Variants in KAT2B observed in about 807,000 individuals in gnomAD.
KAT2B encodes lysine acetyltransferase 2B.
Under a neutral mutation model 105.9 loss-of-function variants are expected in KAT2B, and 36 were observed. The ratio of observed to expected loss-of-function variants is 0.34; its 90% CI spans 0.26 to 0.45. The LOEUF (loss-of-function observed/expected upper bound fraction) is 0.45. KAT2B is among the 20% of genes least tolerant of loss of function. The probability of loss-of-function intolerance (pLI) is 1.00; values close to 1 mark genes in which losing one functional copy is unlikely to be tolerated. For synonymous variants in KAT2B, 397 were observed against 377.9 expected (o/e 1.05, Z -0.59); for missense variants, 820 against 1,021.6 (o/e 0.80, Z 2.69).
chr3:20,058,519 T>C lies in KAT2B; in HGVS notation c.304-13814T>C, dbSNP rs556986174. Among the ~76,000 whole-genome samples the C allele has an allele frequency of 1.5e-4, 23 of 151,402 alleles. No homozygotes were observed. In the South Asian group the frequency reaches 4.8e-3, roughly 32 times the overall value. Reference sequence around the variant, plus strand: ...TGATAGTGAATTACCTCACTAGTTATCTTTTCTCTCTTACAATTCTATTTC... The same window carrying C: ...TGATAGTGAATTACCTCACTAGTTACCTTTTCTCTCTTACAATTCTATTTC... On this transcript the variant is annotated intron_variant, in intron 1 of 17. Coordinates refer to ENST00000263754, the MANE Select transcript of KAT2B (RefSeq NM_003884.5).
At chr3:20,069,091 CAG>C (rs201725321) in intron 1 of KAT2B, among the ~76,000 whole-genome samples, 1,970 of 152,186 alleles carry the variant, frequency 0.013, 17 homozygotes, top group South Asian at 0.041. Flanking sequence ...GTCAGACTAA[CAG>C]AATACATTAA....
chr3:20,130,854 A>AGT (rs60944875), intron 11 of KAT2B, among the ~76,000 whole-genome samples: 36,351 of 150,334 alleles, frequency 0.24, 5,044 homozygotes, highest in East Asian at 0.62. Flanking sequence ...GGATGAGTTT[A>AGT]GTGTGTGTGT....
At chr3:20,148,826 C>G (rs1699820957) in intron 17 of KAT2B, 2 of 207,982 alleles carry the variant, frequency 9.6e-6, no homozygotes, top group African/African-American at 2.3e-5. Context: ...AGAAAAACAT[C>G]AGCTTATCCT....
intron 12 of KAT2B, 28 bp from the exon 13 acceptor site, chr3:20,140,193 C>T (rs1405172937): frequency 7.0e-6 from 10 of 1,433,868 alleles, no homozygotes; most frequent in Non-Finnish European, 9.8e-6. Flanking sequence ...GTATGGTGTT[C>T]ATATGAATGA....
intron 6 of KAT2B, among the ~76,000 whole-genome samples, chr3:20,114,495 T>A (rs186205328): frequency 1.4e-4 from 21 of 151,922 alleles, no homozygotes; most frequent in Non-Finnish European, 2.6e-4. Flanking sequence ...CTTAGAGCAG[T>A]GCAGGCACAA....
chr3:20,092,082 G>T (rs969457432), intron 2 of KAT2B, among the ~76,000 whole-genome samples: 1 of 151,974 alleles, frequency 6.6e-6, no homozygotes, highest in East Asian at 1.9e-4. Context: ...TGTCTGTTAG[G>T]TCCATTTTCT....
At chr3:20,104,004 C>A (rs974718636) in intron 5 of KAT2B, among the ~76,000 whole-genome samples, 1 of 152,182 alleles carries the variant, frequency 6.6e-6, no homozygotes, top group African/African-American at 2.4e-5. Context: ...AGATGCTCAT[C>A]ATCATTTTCC....
At chr3:20,062,410 ATT>A (rs376673410) in intron 1 of KAT2B, among the ~76,000 whole-genome samples, 20,537 of 101,306 alleles carry the variant, frequency 0.2, 2,398 homozygotes, top group Non-Finnish European at 0.27. Flanking sequence ...TATATTATAT[ATT>A]ATATATTATT....
intron 2 of KAT2B, among the ~76,000 whole-genome samples, chr3:20,074,078 C>G (rs1478094181): frequency 1.3e-5 from 2 of 150,120 alleles, no homozygotes; most frequent in Admixed American, 6.6e-5. Context: ...AATACATAAT[C>G]AAGAATGAAG....
chr3:20,105,161 A>G (rs1439373650), intron 5 of KAT2B, among the ~76,000 whole-genome samples: 1 of 152,102 alleles, frequency 6.6e-6, no homozygotes, highest in Non-Finnish European at 1.5e-5. Flanking sequence ...GCTGGGATTA[A>G]AGGCGTGAGC....
chr3:20,135,975 G>A (rs565593737), intron 11 of KAT2B, among the ~76,000 whole-genome samples: 19 of 152,312 alleles, frequency 1.2e-4, no homozygotes, highest in Non-Finnish European at 1.8e-4. Flanking sequence ...ATTGGCCTAC[G>A]TTGGCGGTGT....
At chr3:20,064,997 C>A (rs564189020) in intron 1 of KAT2B, among the ~76,000 whole-genome samples, 2 of 152,298 alleles carry the variant, frequency 1.3e-5, no homozygotes, top group East Asian at 3.9e-4. Flanking sequence ...GCTCTCCACC[C>A]CTTGTCTGTC....
At chr3:20,127,782 ATG>A (rs1699431833) in intron 11 of KAT2B, among the ~76,000 whole-genome samples, 1 of 152,176 alleles carries the variant, frequency 6.6e-6, no homozygotes, top group South Asian at 2.1e-4. Flanking sequence ...TGATTTTGGG[ATG>A]AAACTGTTCC....
intron 1 of KAT2B, among the ~76,000 whole-genome samples, chr3:20,062,651 G>A (rs187137143): frequency 5.3e-5 from 8 of 151,352 alleles, no homozygotes; most frequent in Non-Finnish European, 1.0e-4. Flanking sequence ...TAGTAGAGAC[G>A]GGGTTTCGCC....
At chr3:20,057,272 T>A (rs1389698916) in intron 1 of KAT2B, among the ~76,000 whole-genome samples, 1 of 152,154 alleles carries the variant, frequency 6.6e-6, no homozygotes, top group African/African-American at 2.4e-5. Context: ...TTTGTAAAAC[T>A]GACTGGGCAG....
chr3:20,128,884 G>A (rs549054085), intron 11 of KAT2B, among the ~76,000 whole-genome samples: 8 of 151,698 alleles, frequency 5.3e-5, no homozygotes, highest in Middle Eastern at 3.4e-3. Context: ...GCACATGCCC[G>A]TAGTCCCAGC....
At chr3:20,140,962 A>G (rs954575077) in intron 13 of KAT2B, among the ~76,000 whole-genome samples, 2 of 152,088 alleles carry the variant, frequency 1.3e-5, no homozygotes, top group East Asian at 3.9e-4. Context: ...TTCTGGCCTC[A>G]ATTATTGTTC....
chr3:20,097,333 C>G (rs578185076), intron 3 of KAT2B, among the ~76,000 whole-genome samples: 4 of 152,226 alleles, frequency 2.6e-5, no homozygotes, highest in Admixed American at 2.0e-4. Context: ...TAAAGTACAT[C>G]TTCTCTCTCT....
chr3:20,125,579 C>A (rs1699386844), intron 9 of KAT2B, among the ~76,000 whole-genome samples: 1 of 152,200 alleles, frequency 6.6e-6, no homozygotes, highest in African/African-American at 2.4e-5. Flanking sequence ...GTGACAAACA[C>A]CTTATGGCTC....
Sources: allele counts gnomAD v4.1 joint callset (sites outside exome capture counted in the v4.1 genomes callset), GRCh38; gene constraint gnomAD v4.1.1; transcripts MANE v1.5; gene names NCBI Gene and HGNC (gene_info 2026-07-23, HGNC 2026-07-21).